The following NLGN4X variants were observed in gnomAD, a reference collection of about 807,000 sequenced individuals.
NLGN4X encodes the protein neuroligin 4 X-linked, also known as neuroligin-4, X-linked.
NLGN4X carries 3 observed loss-of-function variants against 40.3 expected under a neutral mutation model. The ratio of observed to expected loss-of-function variants is 0.07; its 90% CI spans 0.03 to 0.19. The LOEUF (loss-of-function observed/expected upper bound fraction) is 0.19, where lower values mean the gene tolerates loss of function less well. Ranked by LOEUF, NLGN4X falls within the 10% of genes least tolerant of loss-of-function variation. The pLI, the probability that NLGN4X is intolerant of heterozygous loss-of-function variation, is 1.00. For missense variants in NLGN4X, 382 were observed against 708.3 expected, an observed-to-expected ratio of 0.54 and a Z score of 5.23; for synonymous variants, 270 against 306.8, an observed-to-expected ratio of 0.88 and a Z score of 1.25.
intron 1 of NLGN4X, among the ~76,000 whole-genome samples, chrX:6,214,849 G>A (rs1225249281): frequency 8.9e-6 from 1 of 112,078 alleles, no homozygotes; most frequent in Non-Finnish European, 1.9e-5. Context: ...ACACAGCAAG[G>A]TGCATTAAAC....
intron 3 of NLGN4X, among the ~76,000 whole-genome samples, chrX:5,939,595 G>C (rs2033852639): frequency 9.0e-6 from 1 of 111,200 alleles, no homozygotes; most frequent in African/African-American, 3.3e-5. Flanking sequence ...CTGATTTTAT[G>C]GTTCATATCT....
At chrX:6,019,462 T>A (rs1316457952) in intron 3 of NLGN4X, among the ~76,000 whole-genome samples, 1 of 111,618 alleles carries the variant, frequency 9.0e-6, no homozygotes, top group African/African-American at 3.3e-5. Flanking sequence ...TCTTTAAACA[T>A]CCCGCTCAGA....
At chrX:5,949,034 AAG>A (rs1361901928) in intron 3 of NLGN4X, among the ~76,000 whole-genome samples, 7 of 111,514 alleles carry the variant, frequency 6.3e-5, no homozygotes, top group African/African-American at 2.3e-4. Context: ...TGTGGTTTCC[AAG>A]AGAGAATGCC....
At chrX:6,097,291 C>A (rs1375537599) in intron 2 of NLGN4X, among the ~76,000 whole-genome samples, 6 of 107,907 alleles carry the variant, frequency 5.6e-5, no homozygotes, top group Admixed American at 5.0e-4. Flanking sequence ...AATATTCACA[C>A]AGTGTACATA....
intron 5 of NLGN4X, among the ~76,000 whole-genome samples, chrX:5,900,560 CTTT>C (rs1163973694): frequency 0.011 from 502 of 45,472 alleles, 12 homozygotes; most frequent in African/African-American, 0.04. Flanking sequence ...GTTTTTGGTG[CTTT>C]TTTTTTTTTT....
At chrX:6,175,804 C>T (rs1053634996) in intron 1 of NLGN4X, among the ~76,000 whole-genome samples, 14 of 110,654 alleles carry the variant, frequency 1.3e-4, no homozygotes, top group Admixed American at 3.9e-4. Flanking sequence ...TCACCTCCCC[C>T]TCCCATCACC....
intron 2 of NLGN4X, among the ~76,000 whole-genome samples, chrX:6,059,618 G>T (rs1017280679): frequency 9.0e-6 from 1 of 111,265 alleles, no homozygotes; most frequent in African/African-American, 3.3e-5. Context: ...CTAGTGCAAA[G>T]TACTTCCAAA....
At chrX:5,926,952 CTA>C (rs2033352797) in intron 3 of NLGN4X, among the ~76,000 whole-genome samples, 2 of 108,580 alleles carry the variant, frequency 1.8e-5, no homozygotes, top group African/African-American at 6.7e-5. Flanking sequence ...ATCTATCTAT[CTA>C]TCTATCTATC....
At chrX:6,204,184 A>C (rs1408683567) in intron 1 of NLGN4X, among the ~76,000 whole-genome samples, 1 of 112,406 alleles carries the variant, frequency 8.9e-6, no homozygotes, top group Non-Finnish European at 1.9e-5. Context: ...CTTTAAAGGA[A>C]GAATAGCTGC....
At chrX:6,072,916 T>C (rs2038104353) in intron 2 of NLGN4X, among the ~76,000 whole-genome samples, 1 of 112,481 alleles carries the variant, frequency 8.9e-6, no homozygotes, top group South Asian at 3.7e-4. Context: ...GCCATATTCA[T>C]TGTACACTGA....
At chrX:6,045,571 C>T (rs2037296115) in intron 2 of NLGN4X, among the ~76,000 whole-genome samples, 1 of 111,426 alleles carries the variant, frequency 9.0e-6, no homozygotes, top group African/African-American at 3.3e-5. Context: ...TGCTTTGTCT[C>T]ATTCACAGTT....
intron 3 of NLGN4X, among the ~76,000 whole-genome samples, chrX:5,993,276 G>A (rs1391577858): frequency 9.0e-6 from 1 of 111,370 alleles, no homozygotes; most frequent in Admixed American, 9.6e-5. Flanking sequence ...GTCCCTTGGA[G>A]AGGAAAACTT....
At chrX:6,195,062 G>A (rs1359570568) in intron 1 of NLGN4X, among the ~76,000 whole-genome samples, 2 of 111,599 alleles carry the variant, frequency 1.8e-5, no homozygotes, top group African/African-American at 6.5e-5. Flanking sequence ...AGGTAAACGT[G>A]TGCCATAGTG....
chrX:6,072,508 A>G (rs1337035120), intron 2 of NLGN4X, among the ~76,000 whole-genome samples: 1 of 111,956 alleles, frequency 8.9e-6, no homozygotes. Flanking sequence ...AGAGTGAAAA[A>G]AGCATGTTTG....
chrX:6,216,726 C>A (rs5916337), intron 1 of NLGN4X, among the ~76,000 whole-genome samples: 14,202 of 111,714 alleles, frequency 0.13, 740 homozygotes, highest in African/African-American at 0.19. Flanking sequence ...TAAATGCATA[C>A]CCTGGAATTA....
intron 1 of NLGN4X, among the ~76,000 whole-genome samples, chrX:6,197,766 A>C (rs926167498): frequency 2.7e-5 from 3 of 110,837 alleles, no homozygotes; most frequent in Admixed American, 9.6e-5. Flanking sequence ...GGTGCTAATT[A>C]AACTAACAGT....
At chrX:6,181,351 C>G (rs1921430752) in intron 1 of NLGN4X, among the ~76,000 whole-genome samples, 1 of 111,831 alleles carries the variant, frequency 8.9e-6, no homozygotes, top group Non-Finnish European at 1.9e-5. Flanking sequence ...AGGAGTGAAA[C>G]TATCTCTAAA....
intron 2 of NLGN4X, among the ~76,000 whole-genome samples, chrX:6,057,880 T>A (rs922764759): frequency 9.0e-6 from 1 of 111,503 alleles, no homozygotes; most frequent in Non-Finnish European, 1.9e-5. Context: ...CCAAAGCAAT[T>A]TACCTACACA....
At chrX:5,971,689 C>T (rs1236447298) in intron 3 of NLGN4X, among the ~76,000 whole-genome samples, 1 of 111,916 alleles carries the variant, frequency 8.9e-6, no homozygotes, top group Admixed American at 9.5e-5. Flanking sequence ...TTCTCTACTG[C>T]TCAAATCCTC....
Sources: gnomAD v4.1 joint callset for allele counts (sites outside exome capture counted in the v4.1 genomes callset) on GRCh38, gnomAD v4.1.1 for gene constraint, MANE v1.5 for transcripts, NCBI Gene and HGNC (gene_info 2026-07-23, HGNC 2026-07-21) for gene names.